PTPRC: variants seen among roughly 807,000 people sequenced by gnomAD.
The protein encoded by PTPRC is protein tyrosine phosphatase receptor type C, also known as receptor-type tyrosine-protein phosphatase C.
A neutral mutation model predicts 155.9 loss-of-function variants in PTPRC; 44 were observed. That is an observed-to-expected ratio of 0.28 (90% CI 0.22 to 0.36). The LOEUF (loss-of-function observed/expected upper bound fraction) is 0.36. PTPRC is among the 10% of genes least tolerant of loss of function. The pLI is 1.00. For missense variants in PTPRC, 1,401 were observed against 1,564.6 expected, an observed-to-expected ratio of 0.90 and a Z score of 1.76; for synonymous variants, 525 against 533.1, an observed-to-expected ratio of 0.98 and a Z score of 0.21.
At position 198,730,761 on chromosome 1, in the gene PTPRC, C is replaced by G. The variant is rs1489503837; in HGVS notation, c.1865-856C>G. Among the ~76,000 whole-genome samples the G allele has an allele frequency of 2.0e-5, 3 of 152,050 alleles. No individual in the cohort carries two copies. The East Asian group carries it at 5.8e-4, about 29-fold the overall frequency. On this transcript the variant is annotated intron_variant, in intron 17 of 32. Coordinates refer to ENST00000442510, the MANE Select transcript of PTPRC (RefSeq NM_002838.5). ...AGAATGAATGAATACCAGGCATTCC[C>G]AACAACCTAAAGAAACAATTGCACA...
At chr1:198,644,831 A>G (rs573722918) in intron 2 of PTPRC, among the ~76,000 whole-genome samples, 2 of 151,846 alleles carry the variant, frequency 1.3e-5, no homozygotes, top group African/African-American at 2.4e-5. Flanking sequence ...AATATATTCT[A>G]TGGTGCTTAA....
At chr1:198,729,017 T>G in intron 16 of PTPRC, 120 bp from the exon 17 acceptor site, 1 of 1,144,666 alleles carries the variant, frequency 8.7e-7, no homozygotes, top group Admixed American at 2.2e-5. Context: ...TCTCTTCCCC[T>G]TTTCTTATCC....
Position 198,702,428 on chromosome 1 carries a change from G to C in PTPRC, c.481G>C (p.Asp161His). 1 of 1,614,102 alleles carries C rather than the reference G, an allele frequency of 6.2e-7. No homozygotes were observed. The highest frequency in any genetic ancestry group is 8.5e-7 in the Non-Finnish European group (1 of 1,180,018). ...ERSTASTFPT[D>H]PVSPLTTTLS... ...GAGTACAGCCAGCACCTTTCCTACA[G>C]ACCCAGTTTCCCCATTGACAACCAC... The change falls in exon 6 of 33, where the codon GAC (aspartate) becomes CAC (histidine). Residue 161 changes from aspartate (D) to histidine (H), a missense_variant. Physicochemically the swap from Asp to His is moderately conservative, Grantham distance 81 (BLOSUM62 -1). This residue lies in a region of PTPRC where 867 missense variants were observed against 970.4 expected (regional missense o/e 0.89). Transcript: ENST00000442510.
At chr1:198,674,361 C>T (rs1208531057) in intron 2 of PTPRC, among the ~76,000 whole-genome samples, 1 of 151,794 alleles carries the variant, frequency 6.6e-6, no homozygotes, top group Non-Finnish European at 1.5e-5. Context: ...GGTAGGTAAG[C>T]TTTATTATAT....
intron 2 of PTPRC, among the ~76,000 whole-genome samples, 192 bp from the exon 3 acceptor site, chr1:198,692,155 G>A (rs1254789045): frequency 6.6e-6 from 1 of 151,956 alleles, no homozygotes. Context: ...ACATAATTTT[G>A]ATATATTTGG....
rs1378722576 is a variant in PTPRC, at chr1:198,639,359, A to G, written c.73+18A>G. The stretch of plus-strand genomic sequence containing the variant: ...TGTGACAGGTAAGTACAAGGATATT[A>G]ATATTTTTTAAATTATTTTTTCTCT... On this transcript the variant is annotated intron_variant, in intron 2 of 32. Coordinates refer to ENST00000442510, the MANE Select transcript of PTPRC (RefSeq NM_002838.5). 1 of 1,551,822 alleles carries G rather than the reference A, an allele frequency of 6.4e-7. No homozygotes were observed. The highest frequency in any genetic ancestry group is 1.4e-5 in the African/African-American group (1 of 73,098).
chr1:198,714,775 T>A (rs1210819659), intron 12 of PTPRC, among the ~76,000 whole-genome samples: 2 of 152,214 alleles, frequency 1.3e-5, no homozygotes, highest in African/African-American at 4.8e-5. Flanking sequence ...CCATTTTAAA[T>A]AAAATTACTA....
intron 29 of PTPRC, among the ~76,000 whole-genome samples, chr1:198,751,185 G>T (rs923878062): frequency 1.3e-5 from 2 of 151,994 alleles, no homozygotes; most frequent in Admixed American, 1.3e-4. Flanking sequence ...CCTGAAAAAT[G>T]TATCTATATC....
rs758875789 is a variant in PTPRC at position 198,699,643 on chromosome 1, A to C, written c.378A>C (p.Thr126=). The change falls in exon 5 of 33, where the codon ACA becomes ACC. Residue 126 remains threonine (T), a synonymous_variant. Transcript: ENST00000442510. Reference sequence around the variant, plus strand: ...CCTCTGCTGGAACTGACACGCAGACATTCAGCGGCTCCGCCGCCAATGCAA... The same window carrying C: ...CCTCTGCTGGAACTGACACGCAGACCTTCAGCGGCTCCGCCGCCAATGCAA... ...QTPSAGTDTQ[T]FSGSAANAKL... 1.2e-6 allele frequency: 2 copies of C among 1,614,214 alleles called. No individual in the cohort carries two copies. Among genetic ancestry groups the C allele is most frequent in the South Asian group, 2.2e-5 (2 of 91,090 alleles).
At position 198,724,528 on chromosome 1, in the gene PTPRC, C is replaced by T. The variant is rs561288017; in HGVS notation, c.1720+2052C>T. ...TAGTGTAAGAAAAATAATTCTAATT[C>T]TCCCATACAAAAAAAATTTTTATTC... On this transcript the variant is annotated intron_variant, in intron 15 of 32. Transcript: ENST00000442510. Among the ~76,000 whole-genome samples, 180 of 152,122 alleles carry T rather than the reference C, an allele frequency of 1.2e-3. 1 individual carries two copies. Among genetic ancestry groups the T allele is most frequent in the Non-Finnish European group, 1.9e-3 (132 of 67,976 alleles).
chr1:198,737,609 T>A (rs1654709545), intron 23 of PTPRC, among the ~76,000 whole-genome samples: 1 of 151,820 alleles, frequency 6.6e-6, no homozygotes, highest in Non-Finnish European at 1.5e-5. Context: ...TCCTCTAGTT[T>A]TGTTCTTTTC....
In PTPRC at chr1:198,712,865, G is replaced by T. The variant is rs1653382378; in HGVS notation, c.1172-88G>T. On this transcript the variant is annotated intron_variant, in intron 11 of 32. Transcript: ENST00000442510. Reference sequence around the variant, plus strand: ...TGAATTCATCATTTGTCAAAATATGGTTATCAATAATGCATGCTTATAATA... The same window carrying T: ...TGAATTCATCATTTGTCAAAATATGTTTATCAATAATGCATGCTTATAATA... The T allele has an allele frequency of 1.4e-5, 19 of 1,338,642 alleles. 2 individuals are homozygous for T. In the South Asian group the frequency reaches 2.0e-4, roughly 14 times the overall value. The allele number at this position is 1,338,642 out of a possible 1,614,324, so 82.9% of individuals were successfully genotyped here.
chr1:198,639,900 C>A (rs1662477845), intron 2 of PTPRC, among the ~76,000 whole-genome samples: 1 of 151,918 alleles, frequency 6.6e-6, no homozygotes, highest in Non-Finnish European at 1.5e-5. Context: ...TAACTTTCTG[C>A]AATTTTTATC....
In PTPRC at chr1:198,702,540, T is replaced by C; in HGVS notation, c.583+10T>C. On this transcript the variant is annotated intron_variant, in intron 6 of 32. Transcript: ENST00000442510. ...ACAGCGAACACCTCAGGTCTGACTA[T>C]GCTGCTCTAGTAGTGTCTTCAGTTA... 6.2e-7 allele frequency: 1 copy of C among 1,614,176 alleles called. No individual in the cohort carries two copies. The highest frequency in any genetic ancestry group is 8.5e-7 in the Non-Finnish European group (1 of 1,180,000).
intron 15 of PTPRC, among the ~76,000 whole-genome samples, chr1:198,727,166 G>A (rs1020475929): frequency 5.3e-5 from 8 of 151,940 alleles, no homozygotes; most frequent in Non-Finnish European, 1.0e-4. Context: ...TGTCTGTTCA[G>A]TTACCTTTCT....
Position 198,718,077 on chromosome 1 carries a change from T to C in PTPRC, c.1451-17T>C. 6.4e-7 allele frequency: 1 copy of C among 1,573,758 alleles called. No homozygotes were observed. The highest frequency in any genetic ancestry group is 8.7e-7 in the Non-Finnish European group (1 of 1,143,434). ...TCTATTAAATTATTAATAACAAATC[T>C]TTCTTCATTTTGATAGCTCCAAGCC... is the stretch of plus-strand genomic sequence containing the variant. On this transcript the variant is annotated splice_polypyrimidine_tract_variant and intron_variant, in intron 13 of 32. Coordinates refer to ENST00000442510, the MANE Select transcript of PTPRC (RefSeq NM_002838.5).
intron 12 of PTPRC, among the ~76,000 whole-genome samples, chr1:198,713,954 TTAA>T (rs1393464481): frequency 6.6e-6 from 1 of 152,266 alleles, no homozygotes; most frequent in Admixed American, 6.5e-5. Flanking sequence ...TCTTTAGGTC[TTAA>T]TAATCAGACT....
intron 2 of PTPRC, among the ~76,000 whole-genome samples, chr1:198,690,942 A>C (rs12124141): frequency 1.3e-5 from 2 of 152,036 alleles, no homozygotes; most frequent in Admixed American, 6.6e-5. Context: ...AATCCAGTTG[A>C]CCCATGTTAA....
Position 198,756,344 on chromosome 1 carries a change from G to GTT in PTPRC, c.*166_*167dup, listed in dbSNP as rs1325150485. The GTT allele has an allele frequency of 3.1e-6, 3 of 967,904 alleles. No homozygotes were observed. In the African/African-American group the frequency reaches 5.0e-5, roughly 16 times the overall value. 60.0% of individuals were successfully genotyped at this position (967,904 alleles called of 1,614,324 possible). On this transcript the variant is annotated 3_prime_UTR_variant, in exon 33 of 33. Transcript: ENST00000442510. ...CTACTGTGGAAAAATATTTAAGATAGTTTTGCCAGAACAGTTTGTACAGAC... is the reference window on the plus strand; with the variant it reads ...CTACTGTGGAAAAATATTTAAGATAGTTTTTTGCCAGAACAGTTTGTACAGAC...
Sources: gnomAD v4.1 joint callset for allele counts (sites outside exome capture counted in the v4.1 genomes callset) on GRCh38, gnomAD v4.1.1 for gene constraint, gnomAD v4.1.1 regional missense constraint, MANE v1.5 for transcripts, NCBI Gene and HGNC (gene_info 2026-07-23, HGNC 2026-07-21) for gene names.